CALD1: variants seen among roughly 807,000 people sequenced by gnomAD.
CALD1 encodes caldesmon.
Under a neutral mutation model 99.9 loss-of-function variants are expected in CALD1, and 33 were observed. The ratio of observed to expected loss-of-function variants is 0.33; its 90% CI spans 0.25 to 0.44. CALD1 has a LOEUF of 0.44. Among genes scored for constraint, CALD1 ranks in the 20% least tolerant of loss-of-function variants. The pLI is 1.00. For synonymous variants in CALD1, 310 were observed against 325.0 expected, an observed-to-expected ratio of 0.95 and a Z score of 0.50; for missense variants, 861 against 962.1, an observed-to-expected ratio of 0.89 and a Z score of 1.39.
At chr7:134,881,205 A>C (rs972712336) in intron 3 of CALD1, among the ~76,000 whole-genome samples, 10 of 152,192 alleles carry the variant, frequency 6.6e-5, no homozygotes, top group Admixed American at 6.5e-5. Flanking sequence ...TGGAAGCCCA[A>C]ATCATTGGAC....
chr7:134,937,969 CAG>C (rs1806122731), intron 6 of CALD1, among the ~76,000 whole-genome samples: 1 of 152,158 alleles, frequency 6.6e-6, no homozygotes, highest in Non-Finnish European at 1.5e-5. Flanking sequence ...AACAGGAAAA[CAG>C]AGTTTCTAGC....
Position 134,950,598 on chromosome 7 carries a change from C to A in CALD1, c.1935+84C>A, listed in dbSNP as rs1200983002. 15 of 1,074,062 alleles carry A rather than the reference C, an allele frequency of 1.4e-5. No homozygotes were observed. The East Asian group carries it at 2.4e-4, about 17-fold the overall frequency. 66.5% of individuals were successfully genotyped at this position (1,074,062 alleles called of 1,614,324 possible). A position where few individuals can be genotyped will look rare whatever the true frequency, so the allele number is the denominator to read the frequency against. On this transcript the variant is annotated intron_variant, in intron 9 of 14. Coordinates refer to ENST00000361675, the MANE Select transcript of CALD1 (RefSeq NM_033138.4). Reference sequence around the variant, plus strand: ...TTGTTTAGTTATTGATTATACAGGGCCTTTGTTCATTTATCTTTTTGCTAT... The same window carrying A: ...TTGTTTAGTTATTGATTATACAGGGACTTTGTTCATTTATCTTTTTGCTAT...
In CALD1 at chr7:134,871,183, C is replaced by T. The variant is rs183000932; in HGVS notation, c.71+3379C>T. ...TGGTATTATTGATTTTTCTTTACTA[C>T]GATCATATGTTACTTTATTTAAAGC... On this transcript the variant is annotated intron_variant, in intron 3 of 14. Transcript: ENST00000361675. Among the ~76,000 whole-genome samples, 21 of 152,072 alleles carry T rather than the reference C, an allele frequency of 1.4e-4. No individual in the cohort carries two copies. The East Asian group carries it at 2.1e-3, about 15-fold the overall frequency.
At chr7:134,953,441 A>T (rs1052311808) in intron 9 of CALD1, among the ~76,000 whole-genome samples, 1 of 152,130 alleles carries the variant, frequency 6.6e-6, no homozygotes, top group African/African-American at 2.4e-5. Flanking sequence ...GCATGCCTGT[A>T]ATCCCAGCTA....
chr7:134,841,512 G>A (rs1195742066), intron 1 of CALD1, among the ~76,000 whole-genome samples: 42 of 152,084 alleles, frequency 2.8e-4, no homozygotes, highest in Admixed American at 2.7e-3. Flanking sequence ...TTTTCTGTCT[G>A]TTATTAAGAA....
At position 134,785,595 on chromosome 7, in the gene CALD1, G is replaced by A. The variant is rs925487661; in HGVS notation, c.-130+5846G>A. Among the ~76,000 whole-genome samples the A allele has an allele frequency of 2.0e-5, 3 of 152,104 alleles. No individual in the cohort carries two copies. In the South Asian group the frequency reaches 6.2e-4, roughly 32 times the overall value. ...CACCCATCATGGTGTTTGTCAAGTG[G>A]ACTAAAATATCCCCTGAGTTCTGCA... On this transcript the variant is annotated intron_variant, in intron 1 of 14. Transcript: ENST00000361675.
chr7:134,886,093 C>T (rs1801839767), intron 3 of CALD1, among the ~76,000 whole-genome samples: 1 of 152,078 alleles, frequency 6.6e-6, no homozygotes, highest in African/African-American at 2.4e-5. Context: ...GAGAGTCGGC[C>T]TAAGTAATTG....
chr7:134,851,922 T>G (rs1800099743), intron 2 of CALD1, among the ~76,000 whole-genome samples: 1 of 152,146 alleles, frequency 6.6e-6, no homozygotes, highest in African/African-American at 2.4e-5. Context: ...GTGACATTAT[T>G]TGGAACTTGG....
At chr7:134,880,796 C>G (rs1052908424) in intron 3 of CALD1, among the ~76,000 whole-genome samples, 5 of 152,194 alleles carry the variant, frequency 3.3e-5, no homozygotes, top group Admixed American at 1.3e-4. Context: ...GATCCTTTAA[C>G]TCTTCCTATC....
At chr7:134,965,279 G>A (rs374416477) in intron 13 of CALD1, 27 bp from the exon 14 acceptor site, 12 of 1,168,640 alleles carry the variant, frequency 1.0e-5, no homozygotes, top group Admixed American at 1.7e-5. Flanking sequence ...GCCACCTATC[G>A]ATGTTTTTCT....
intron 2 of CALD1, among the ~76,000 whole-genome samples, chr7:134,857,346 T>A (rs1363222469): frequency 6.6e-6 from 1 of 151,644 alleles, no homozygotes; most frequent in Non-Finnish European, 1.5e-5. Context: ...ATTTTTTGTA[T>A]TTTTAGTAGA....
chr7:134,891,996 C>G (rs1392533736), intron 3 of CALD1, among the ~76,000 whole-genome samples: 1 of 152,152 alleles, frequency 6.6e-6, no homozygotes, highest in East Asian at 1.9e-4. Context: ...CATTGTGTTT[C>G]TAAAGGTCTG....
intron 1 of CALD1, among the ~76,000 whole-genome samples, chr7:134,791,026 G>C (rs939084324): frequency 1.3e-5 from 2 of 148,628 alleles, no homozygotes; most frequent in African/African-American, 5.0e-5. Context: ...ATTTACAAAA[G>C]AAATTAGTGT....
At chr7:134,733,929 T>A in the CALD1 span, among the ~76,000 whole-genome samples, 9 of 151,268 alleles carry the variant, frequency 5.9e-5, no homozygotes, top group East Asian at 1.5e-3. Flanking sequence ...TCAGTTTGTA[T>A]AATATAACTT....
chr7:134,801,680 C>A (rs1797947407), intron 1 of CALD1, among the ~76,000 whole-genome samples: 1 of 152,132 alleles, frequency 6.6e-6, no homozygotes, highest in Non-Finnish European at 1.5e-5. Flanking sequence ...AGTGCCGTAG[C>A]ACAGCCACGG....
intron 9 of CALD1, among the ~76,000 whole-genome samples, chr7:134,953,769 C>T (rs562250509): frequency 1.3e-5 from 2 of 150,940 alleles, no homozygotes; most frequent in South Asian, 4.2e-4. Context: ...GTCTTTCCCT[C>T]AGCCAGATGC....
intron 3 of CALD1, among the ~76,000 whole-genome samples, chr7:134,894,318 T>C (rs1802412018): frequency 6.6e-6 from 1 of 152,188 alleles, no homozygotes; most frequent in South Asian, 2.1e-4. Flanking sequence ...CATAGCTATC[T>C]TCCCTCCCAA....
At chr7:134,886,782 G>A (rs572574210) in intron 3 of CALD1, among the ~76,000 whole-genome samples, 1 of 152,342 alleles carries the variant, frequency 6.6e-6, no homozygotes, top group East Asian at 1.9e-4. Context: ...ATCACAGGAT[G>A]TCACCTACTG....
chr7:134,770,870 T>C (rs779033250), intron 1 of CALD1, among the ~76,000 whole-genome samples: 1 of 152,184 alleles, frequency 6.6e-6, no homozygotes, highest in Non-Finnish European at 1.5e-5. Context: ...TCTGGCCACG[T>C]TGCACTGCTC....
Sources: gnomAD v4.1 joint callset for allele counts (sites outside exome capture counted in the v4.1 genomes callset) on GRCh38, gnomAD v4.1.1 for gene constraint, MANE v1.5 for transcripts, NCBI Gene and HGNC (gene_info 2026-07-23, HGNC 2026-07-21) for gene names.